Variants in ZNF529 observed in about 807,000 individuals in gnomAD.
ZNF529 encodes zinc finger protein 529.
In ZNF529, 11 loss-of-function variants were observed where a neutral mutation model predicts 10.1. The observed-to-expected ratio is 1.09, with a 90% CI of 0.69 to 1.81. ZNF529 has a LOEUF of 1.81. ZNF529 is among the 40% of genes most tolerant of loss of function. The pLI is 0.00. For missense variants in ZNF529, 624 were observed against 666.8 expected, an observed-to-expected ratio of 0.94 and a Z score of 0.71; for synonymous variants, 204 against 215.7, an observed-to-expected ratio of 0.95 and a Z score of 0.47.
At chr19:36,555,214 G>A (rs2035420000) in intron 3 of ZNF529, among the ~76,000 whole-genome samples, 1 of 152,072 alleles carries the variant, frequency 6.6e-6, no homozygotes, top group South Asian at 2.1e-4. Flanking sequence ...AAGATTTCTT[G>A]TAGCTCCAAG....
At chr19:36,597,532 C>G (rs1248938297) in intron 1 of ZNF529, among the ~76,000 whole-genome samples, 1 of 152,172 alleles carries the variant, frequency 6.6e-6, no homozygotes, top group East Asian at 1.9e-4. Context: ...AACATACATA[C>G]ATCATACAAT....
chr19:36,590,316 A>G (rs535439442), intron 1 of ZNF529, among the ~76,000 whole-genome samples: 1 of 152,278 alleles, frequency 6.6e-6, no homozygotes, highest in East Asian at 1.9e-4. Flanking sequence ...TCGAGGTTGC[A>G]GTGAGCCATG....
At chr19:36,589,456 T>C (rs1437043230) in intron 2 of ZNF529, among the ~76,000 whole-genome samples, 3 of 152,210 alleles carry the variant, frequency 2.0e-5, no homozygotes, top group Non-Finnish European at 1.5e-5. Context: ...TTGAAGTCTT[T>C]GGTGTTGACT....
At chr19:36,602,911 C>T (rs1423813230) in intron 1 of ZNF529, among the ~76,000 whole-genome samples, 1 of 130,238 alleles carries the variant, frequency 7.7e-6, no homozygotes, top group African/African-American at 2.9e-5. Flanking sequence ...GCCTGGGCAA[C>T]AAAAGTGAAA....
At chr19:36,552,431 AT>A (rs1165019428) in intron 4 of ZNF529, among the ~76,000 whole-genome samples, 1 of 152,192 alleles carries the variant, frequency 6.6e-6, no homozygotes, top group Non-Finnish European at 1.5e-5. Context: ...TCTCAAAAAA[AT>A]CAATAAATAA....
intron 1 of ZNF529, among the ~76,000 whole-genome samples, chr19:36,598,696 C>T (rs188797847): frequency 3.2e-4 from 48 of 152,178 alleles, no homozygotes; most frequent in South Asian, 8.3e-4. Flanking sequence ...GCACCTTGTA[C>T]CTCACAGAGT....
At chr19:36,572,784 AATCT>A (rs776902257) in intron 1 of ZNF529, among the ~76,000 whole-genome samples, 6 of 152,058 alleles carry the variant, frequency 3.9e-5, no homozygotes, top group Non-Finnish European at 5.9e-5. Context: ...TCATCTATGT[AATCT>A]ATCTATATGC....
At chr19:36,555,821 C>G (rs958589930) in intron 3 of ZNF529, among the ~76,000 whole-genome samples, 8 of 152,194 alleles carry the variant, frequency 5.3e-5, no homozygotes, top group African/African-American at 1.9e-4. Context: ...AATTATCAAA[C>G]AGATCCATCT....
At chr19:36,563,179 T>C (rs971647696) in intron 2 of ZNF529, among the ~76,000 whole-genome samples, 1 of 152,034 alleles carries the variant, frequency 6.6e-6, no homozygotes, top group African/African-American at 2.4e-5. Context: ...CCCAGCACTT[T>C]GGGAGGGTGA....
At chr19:36,551,657 A>C (rs906329426) in intron 4 of ZNF529, among the ~76,000 whole-genome samples, 3 of 152,218 alleles carry the variant, frequency 2.0e-5, no homozygotes, top group African/African-American at 7.2e-5. Context: ...TAATATATAA[A>C]AGGAATGACA....
chr19:36,591,924 A>T (rs1026367795), intron 1 of ZNF529, among the ~76,000 whole-genome samples: 19 of 152,174 alleles, frequency 1.2e-4, no homozygotes, highest in African/African-American at 4.3e-4. Flanking sequence ...TGATAAAGAT[A>T]TTACAAGGAA....
In ZNF529 at chr19:36,554,803, C is replaced by A. The variant is rs1362346930; in HGVS notation, c.109-7G>T. ...CCCTGAGTGTCACCAGTTCCTGAAACAACAAACCCGTACATTACAGGTAAA... is the reference window on the plus strand; with the variant it reads ...CCCTGAGTGTCACCAGTTCCTGAAAAAACAAACCCGTACATTACAGGTAAA... On this transcript the variant is annotated splice_region_variant and splice_polypyrimidine_tract_variant and intron_variant, in intron 3 of 4. Transcript: ENST00000591340. 1.3e-6 allele frequency: 2 copies of A among 1,544,922 alleles called. No individual in the cohort carries two copies. Among genetic ancestry groups the A allele is most frequent in the Non-Finnish European group, 8.7e-7 (1 of 1,144,398 alleles).
In ZNF529 at chr19:36,546,566, T is replaced by G. The variant is rs892020960; in HGVS notation, c.*300A>C. ...GTAATATTACAATTAAAAAACTGAA[T>G]AGTCAAAAGAGCAATAATACAAACA... On this transcript the variant is annotated 3_prime_UTR_variant, in exon 5 of 5. Transcript: ENST00000591340. 8 of 271,104 alleles carry G rather than the reference T, an allele frequency of 3.0e-5. No individual in the cohort carries two copies. Among genetic ancestry groups the G allele is most frequent in the African/African-American group, 1.8e-4 (8 of 45,088 alleles). The allele number at this position is 271,104 out of a possible 1,614,324, so 16.8% of individuals were successfully genotyped here.
intron 2 of ZNF529, among the ~76,000 whole-genome samples, chr19:36,562,836 A>C (rs1380781946): frequency 6.6e-6 from 1 of 150,406 alleles, no homozygotes; most frequent in Non-Finnish European, 1.5e-5. Flanking sequence ...GTCTCCAGAA[A>C]AAAAAAAAAA....
chr19:36,562,304 G>A (rs2035733640), intron 2 of ZNF529, among the ~76,000 whole-genome samples: 1 of 152,144 alleles, frequency 6.6e-6, no homozygotes, highest in Non-Finnish European at 1.5e-5. Context: ...ACAGGTACAG[G>A]ACTAGAGAGC....
Sources: allele counts gnomAD v4.1 joint callset (sites outside exome capture counted in the v4.1 genomes callset), GRCh38; gene constraint gnomAD v4.1.1; transcripts MANE v1.5; gene names NCBI Gene and HGNC (gene_info 2026-07-23, HGNC 2026-07-21).